ZNF804A: variants seen among roughly 807,000 people sequenced by gnomAD.
The protein encoded by ZNF804A is zinc finger protein 804A.
ZNF804A carries 2 observed loss-of-function variants against 16.5 expected under a neutral mutation model. That is an observed-to-expected ratio of 0.12 (90% CI 0.05 to 0.38). The LOEUF is 0.38. Among genes scored for constraint, ZNF804A ranks in the 10% least tolerant of loss-of-function variants. The probability of loss-of-function intolerance (pLI) is 0.99; values close to 1 mark genes in which losing one functional copy is unlikely to be tolerated. For missense variants in ZNF804A, 1,473 were observed against 1,390.7 expected (o/e 1.06, Z -0.94); for synonymous variants, 534 against 489.6 (o/e 1.09, Z -1.20).
rs1377412368 is a variant in ZNF804A, at chr2:184,599,047, A to T, written c.88A>T (p.Ser30Cys). Residue 30 changes from serine to cysteine, a missense_variant, in exon 1 of 4, where the codon AGC becomes TGC. By Grantham distance (112) the Ser-to-Cys change is moderately radical (BLOSUM62 -1). Transcript: ENST00000302277. ...CAAGGGAGTTTTCCGGGGCCCTCTC[A>T]GCAAGAACGGGAACAAAACTCTGGT... Reference protein sequence around the residue: ...NIKGVFRGPLSKNGNKTLDYA... With the variant: ...NIKGVFRGPLCKNGNKTLDYA... 1 of 1,613,684 alleles carries T rather than the reference A, an allele frequency of 6.2e-7. No individual in the cohort carries two copies. The highest frequency in any genetic ancestry group is 8.5e-7 in the Non-Finnish European group (1 of 1,179,628).
intron 1 of ZNF804A, among the ~76,000 whole-genome samples, chr2:184,625,269 T>G (rs1326560783): frequency 6.6e-6 from 1 of 152,160 alleles, no homozygotes; most frequent in Non-Finnish European, 1.5e-5. Flanking sequence ...ACGACAAAAA[T>G]TATAAAATAG....
intron 2 of ZNF804A, among the ~76,000 whole-genome samples, chr2:184,910,603 G>A (rs1200106166): frequency 6.6e-6 from 1 of 152,028 alleles, no homozygotes; most frequent in African/African-American, 2.4e-5. Flanking sequence ...CAGTGTAGAA[G>A]CATTCTCTTT....
intron 1 of ZNF804A, among the ~76,000 whole-genome samples, chr2:184,770,092 A>C (rs1694188646): frequency 6.6e-6 from 1 of 152,086 alleles, no homozygotes; most frequent in South Asian, 2.1e-4. Context: ...CCATCTACTC[A>C]ATATGTAAAG....
chr2:184,693,438 C>T (rs890616545), intron 1 of ZNF804A, among the ~76,000 whole-genome samples: 1 of 152,128 alleles, frequency 6.6e-6, no homozygotes, highest in Non-Finnish European at 1.5e-5. Flanking sequence ...CTACTTATTG[C>T]ATTTTATAAT....
intron 1 of ZNF804A, among the ~76,000 whole-genome samples, chr2:184,734,505 T>C (rs1181291627): frequency 6.6e-6 from 1 of 152,242 alleles, no homozygotes; most frequent in Non-Finnish European, 1.5e-5. Context: ...ATTTCAAGTT[T>C]AATTCCATTG....
chr2:184,917,463 A>ATGTG (rs142798576), intron 2 of ZNF804A, among the ~76,000 whole-genome samples: 2 of 151,880 alleles, frequency 1.3e-5, no homozygotes, highest in Admixed American at 6.6e-5. Flanking sequence ...AAAAACAAAT[A>ATGTG]TGTGTGTGTG....
Position 184,785,384 on chromosome 2 carries a change from C to T in ZNF804A, c.112-80985C>T, listed in dbSNP as rs115873123. 3.6e-3 allele frequency among the ~76,000 whole-genome samples: 554 copies of T among 152,074 alleles called. 3 individuals are homozygous for T. Among genetic ancestry groups the T allele is most frequent in the African/African-American group, 0.013 (532 of 41,520 alleles). ...GTAATGAAGTACTAATAAAATCCAACCACACGTTTGGATAGTGTAATAATG... is the reference window on the plus strand; with the variant it reads ...GTAATGAAGTACTAATAAAATCCAATCACACGTTTGGATAGTGTAATAATG... On this transcript the variant is annotated intron_variant, in intron 1 of 3. Transcript: ENST00000302277.
rs574039404 is a variant in ZNF804A, at chr2:184,713,586, T to C, written c.111+114516T>C. ...GATCACAAAGTCTTGAAACAATAAC[T>C]ATGTGCCATATACCAACATGTACAG... On this transcript the variant is annotated intron_variant, in intron 1 of 3. Coordinates refer to ENST00000302277, the MANE Select transcript of ZNF804A (RefSeq NM_194250.2). Among the ~76,000 whole-genome samples, 12 of 152,102 alleles carry C rather than the reference T, an allele frequency of 7.9e-5. No individual in the cohort carries two copies. In the South Asian group the frequency reaches 2.3e-3, roughly 29 times the overall value.
intron 1 of ZNF804A, among the ~76,000 whole-genome samples, chr2:184,820,781 T>C (rs6716608): frequency 0.04 from 6,052 of 151,632 alleles, 388 homozygotes; most frequent in African/African-American, 0.13. Context: ...AACAGGCAAG[T>C]AGGGAACCAA....
intron 1 of ZNF804A, among the ~76,000 whole-genome samples, chr2:184,750,220 A>G (rs1184428638): frequency 6.6e-6 from 1 of 151,520 alleles, no homozygotes; most frequent in African/African-American, 2.4e-5. Context: ...ACATGGATAC[A>G]TGATAATGTC....
chr2:184,933,594 T>C lies in ZNF804A; in HGVS notation c.256-9T>C. On this transcript the variant is annotated splice_polypyrimidine_tract_variant and intron_variant, in intron 2 of 3. Coordinates refer to ENST00000302277, the MANE Select transcript of ZNF804A (RefSeq NM_194250.2). ...TACAATTAATCATTTTCCAACTTTT[T>C]TTTAACAGAGGCTCAAGGAACTGAA... 6.3e-7 allele frequency: 1 copy of C among 1,575,420 alleles called. No individual in the cohort carries two copies. Among genetic ancestry groups the C allele is most frequent in the Non-Finnish European group, 8.6e-7 (1 of 1,169,208 alleles).
At chr2:184,681,960 G>A (rs1692547859) in intron 1 of ZNF804A, among the ~76,000 whole-genome samples, 1 of 152,202 alleles carries the variant, frequency 6.6e-6, no homozygotes. Flanking sequence ...AGCCAAGTCG[G>A]AGTGCTGTTG....
rs143995660 is a variant in ZNF804A at position 184,848,118 on chromosome 2, C to T, written c.112-18251C>T. ...CCTGTTAGAGGTTTGGGAGTGAGAT[C>T]GAAAGTTCCAACCTTCTAATCATGT... On this transcript the variant is annotated intron_variant, in intron 1 of 3. Coordinates refer to ENST00000302277, the MANE Select transcript of ZNF804A (RefSeq NM_194250.2). Among the ~76,000 whole-genome samples, 530 of 151,992 alleles carry T rather than the reference C, an allele frequency of 3.5e-3. 4 individuals carry two copies. The highest frequency in any genetic ancestry group is 0.012 in the African/African-American group (485 of 41,484).
At chr2:184,611,592 A>G (rs1230588960) in intron 1 of ZNF804A, among the ~76,000 whole-genome samples, 1 of 152,160 alleles carries the variant, frequency 6.6e-6, no homozygotes, top group Non-Finnish European at 1.5e-5. Flanking sequence ...AATAATTTTG[A>G]TAGCTGTAAT....
rs569234242 is a variant in ZNF804A, at chr2:184,867,775, G to T, written c.255+1263G>T. Among the ~76,000 whole-genome samples the T allele has an allele frequency of 4.6e-5, 7 of 152,128 alleles. No homozygotes were observed. In the South Asian group the frequency reaches 1.4e-3, roughly 31 times the overall value. ...ATTATTTTGTGATAATGTTACTGAC[G>T]TTTGTTTTATCAAATAATTCTGGAA... On this transcript the variant is annotated intron_variant, in intron 2 of 3. Transcript: ENST00000302277.
At chr2:184,934,885 C>T (rs1347267794) in intron 3 of ZNF804A, among the ~76,000 whole-genome samples, 3 of 152,032 alleles carry the variant, frequency 2.0e-5, no homozygotes, top group Admixed American at 1.3e-4. Context: ...CATTCTGTTA[C>T]TTAGCAGATA....
At chr2:184,694,083 C>T (rs548926278) in intron 1 of ZNF804A, among the ~76,000 whole-genome samples, 5 of 151,278 alleles carry the variant, frequency 3.3e-5, no homozygotes, top group African/African-American at 1.2e-4. Flanking sequence ...TGTGTGTGAC[C>T]ACATCCTGCT....
intron 1 of ZNF804A, among the ~76,000 whole-genome samples, chr2:184,783,759 C>T (rs16826203): frequency 6.6e-6 from 1 of 151,846 alleles, no homozygotes; most frequent in Non-Finnish European, 1.5e-5. Flanking sequence ...CTCTGGAAGT[C>T]GTTGTTATCT....
intron 1 of ZNF804A, among the ~76,000 whole-genome samples, chr2:184,790,389 A>G (rs1694519280): frequency 6.6e-6 from 1 of 151,820 alleles, no homozygotes; most frequent in Non-Finnish European, 1.5e-5. Context: ...TTAAGTCCAG[A>G]GGTTTTTGGT....
Sources: gnomAD v4.1 joint callset for allele counts (sites outside exome capture counted in the v4.1 genomes callset) on GRCh38, gnomAD v4.1.1 for gene constraint, MANE v1.5 for transcripts, NCBI Gene and HGNC (gene_info 2026-07-23, HGNC 2026-07-21) for gene names.